Variants in HDAC1 observed in about 807,000 individuals in gnomAD.
The protein encoded by HDAC1 is histone deacetylase 1, also known as protein deacetylase HDAC1.
Under a neutral mutation model 65.5 loss-of-function variants are expected in HDAC1, and 18 were observed. That is an observed-to-expected ratio of 0.27 (90% CI 0.19 to 0.41). HDAC1 has a LOEUF of 0.41. Ranked by LOEUF, HDAC1 falls within the 10% of genes least tolerant of loss-of-function variation. The probability of loss-of-function intolerance (pLI) is 1.00; values close to 1 mark genes in which losing one functional copy is unlikely to be tolerated. For synonymous variants in HDAC1, 211 were observed against 227.9 expected (o/e 0.93, Z 0.67); for missense variants, 373 against 625.2 (o/e 0.60, Z 4.30).
At chr1:32,326,790 T>C (rs1557611120) in intron 4 of HDAC1, 149 bp from the exon 5 acceptor site, 2 of 689,702 alleles carry the variant, frequency 2.9e-6, no homozygotes, top group Non-Finnish European at 4.6e-6. Context: ...CCTGCTGAAG[T>C]AGGGTGGGAG....
rs1019745660 is a variant in HDAC1, at chr1:32,333,097, A to G, written c.*53A>G. 3 of 1,404,500 alleles carry G rather than the reference A, an allele frequency of 2.1e-6. No homozygotes were observed. The African/African-American group carries it at 4.3e-5, about 20-fold the overall frequency. 87.0% of individuals were successfully genotyped at this position (1,404,500 alleles called of 1,614,324 possible). On this transcript the variant is annotated 3_prime_UTR_variant, in exon 14 of 14. Coordinates refer to ENST00000373548, the MANE Select transcript of HDAC1 (RefSeq NM_004964.3). ...CTGAGTCCCTCACGTTTCTTCCCCAACCCCTCAGATTTTATATTTTCTATT... is the reference window on the plus strand; with the variant it reads ...CTGAGTCCCTCACGTTTCTTCCCCAGCCCCTCAGATTTTATATTTTCTATT...
chr1:32,320,923 A>AC (rs1431607197), intron 3 of HDAC1, among the ~76,000 whole-genome samples: 29 of 141,952 alleles, frequency 2.0e-4, no homozygotes, highest in African/African-American at 7.2e-4. Context: ...AAAAAAAAAA[A>AC]CAGAAAAAGA....
chr1:32,310,041 A>C (rs1293789959), intron 2 of HDAC1, among the ~76,000 whole-genome samples: 1 of 152,178 alleles, frequency 6.6e-6, no homozygotes, highest in East Asian at 1.9e-4. Context: ...ATTTAACTCA[A>C]AGTATTTTAA....
chr1:32,317,614 A>G (rs1641083413), intron 3 of HDAC1, among the ~76,000 whole-genome samples: 1 of 152,218 alleles, frequency 6.6e-6, no homozygotes, highest in African/African-American at 2.4e-5. Context: ...TATTATTACA[A>G]CTAATAATAA....
Position 32,331,534 on chromosome 1 carries a change from C to A in HDAC1, c.1040C>A (p.Pro347His). 1.2e-6 allele frequency: 2 copies of A among 1,612,392 alleles called. No homozygotes were observed. Among genetic ancestry groups the A allele is most frequent in the Non-Finnish European group, 1.7e-6 (2 of 1,178,478 alleles). The change falls in exon 10 of 14, where the codon CCT (proline) becomes CAT (histidine). Residue 347 changes from proline to histidine, a missense_variant. Physicochemically the swap from Pro to His is moderately conservative, Grantham distance 77 (BLOSUM62 -2). This residue lies in a region of HDAC1 where 105 missense variants were observed against 192.6 expected (regional missense o/e 0.55). Coordinates refer to ENST00000373548, the MANE Select transcript of HDAC1 (RefSeq NM_004964.3). The surrounding 1 kb of genome is among the most constrained non-coding windows in gnomAD (Gnocchi z 4.2). The part of the protein sequence containing the change: ...FGPDFKLHIS[P>H]SNMTNQNTNE... ...CCAGATTTCAAGCTCCACATCAGTC[C>A]TTCCAATATGACTAACCAGAACACG...
intron 12 of HDAC1, 38 bp from the exon 13 acceptor site, chr1:32,332,663 G>A: frequency 1.3e-6 from 2 of 1,510,102 alleles, no homozygotes; most frequent in African/African-American, 1.4e-5. Context: ...CTTCCCAGAG[G>A]TGCTGCCCTT....
At position 32,329,169 on chromosome 1, in the gene HDAC1, C is replaced by T. The variant is rs761209910; in HGVS notation, c.729+9C>T. ...AGGCCATTTTCAAGCCGGTAAGTGG[C>T]TTTATCCACCCCTTGGGCTACAAAC... On this transcript the variant is annotated intron_variant, in intron 7 of 13. Coordinates refer to ENST00000373548, the MANE Select transcript of HDAC1 (RefSeq NM_004964.3). This position sits in a 1 kb window ranked among gnomAD's most constrained non-coding sequence, Gnocchi z 4.1. The T allele has an allele frequency of 1.3e-6, 2 of 1,536,844 alleles. 1 individual carries two copies. The highest frequency in any genetic ancestry group is 2.2e-5 in the South Asian group (2 of 89,600).
chr1:32,292,091 C>A lies in HDAC1; in HGVS notation c.-79C>A. On this transcript the variant is annotated 5_prime_UTR_variant, in exon 1 of 14. Coordinates refer to ENST00000373548, the MANE Select transcript of HDAC1 (RefSeq NM_004964.3). ...GCGGGCCGGAGGCCCGCCCCCTCCC[C>A]CCTGGGTCGGACGCTGAGCGGAGCC... The A allele has an allele frequency of 3.5e-6, 5 of 1,410,894 alleles. No individual in the cohort carries two copies. The highest frequency in any genetic ancestry group is 4.9e-6 in the Non-Finnish European group (5 of 1,024,634). 87.4% of individuals were successfully genotyped at this position (1,410,894 alleles called of 1,614,324 possible). A position where few individuals can be genotyped will look rare whatever the true frequency, so the allele number is the denominator to read the frequency against.
chr1:32,313,576 G>A (rs1641019607), intron 2 of HDAC1, among the ~76,000 whole-genome samples: 2 of 152,198 alleles, frequency 1.3e-5, no homozygotes, highest in Non-Finnish European at 2.9e-5. Flanking sequence ...AACAATAAAT[G>A]TTGGCTGTGT....
Position 32,306,747 on chromosome 1 carries a change from A to C in HDAC1, c.162+4014A>C, listed in dbSNP as rs560010775. Among the ~76,000 whole-genome samples the C allele has an allele frequency of 5.9e-5, 9 of 151,716 alleles. No individual in the cohort carries two copies. In the South Asian group the frequency reaches 1.9e-3, roughly 32 times the overall value. ...TGACTGTGGGATAATGCAGTAGGCCACTCTTATCTGAGGGGGGATACTTTC... is the reference window on the plus strand; with the variant it reads ...TGACTGTGGGATAATGCAGTAGGCCCCTCTTATCTGAGGGGGGATACTTTC... On this transcript the variant is annotated intron_variant, in intron 2 of 13. Coordinates refer to ENST00000373548, the MANE Select transcript of HDAC1 (RefSeq NM_004964.3).
rs377602629 is a variant in HDAC1, at chr1:32,299,989, C to T, written c.50-2632C>T. Among the ~76,000 whole-genome samples, 316 of 151,848 alleles carry T rather than the reference C, an allele frequency of 2.1e-3. 1 individual carries two copies. The highest frequency in any genetic ancestry group is 0.017 in the Middle Eastern group (5 of 294). ...AGGAGAATGGCGTGAACCCTGGAGG[C>T]GGAGCTTGCAGTGAGCCGAGATCGC... On this transcript the variant is annotated intron_variant, in intron 1 of 13. Transcript: ENST00000373548.
intron 1 of HDAC1, among the ~76,000 whole-genome samples, chr1:32,293,102 C>G (rs894724990): frequency 5.9e-5 from 9 of 151,856 alleles, no homozygotes; most frequent in Non-Finnish European, 1.2e-4. Flanking sequence ...TGGTGGATCA[C>G]CTGAGGTCAG....
chr1:32,324,508 G>A lies in HDAC1; in HGVS notation c.310G>A (p.Asp104Asn), dbSNP rs750374397. 1.2e-6 allele frequency: 2 copies of A among 1,613,290 alleles called. No homozygotes were observed. The highest frequency in any genetic ancestry group is 1.3e-5 in the African/African-American group (1 of 75,014). Residue 104 changes from aspartate to asparagine, a missense_variant, in exon 4 of 14, where the codon GAT becomes AAT. Asp to Asn is a conservative substitution (Grantham distance 23). Transcript: ENST00000373548. ...FNVGEDCPVF[D>N]GLFEFCQLST... ...CGTTGGTGAGGACTGTCCAGTATTC[G>A]ATGGCCTGTTTGAGTTCTGTCAGTT...
intron 3 of HDAC1, among the ~76,000 whole-genome samples, chr1:32,319,160 C>T (rs1227560508): frequency 6.6e-6 from 1 of 152,008 alleles, no homozygotes; most frequent in South Asian, 2.1e-4. Flanking sequence ...GTCTCAGCTA[C>T]TTAGGAGGCT....
At chr1:32,326,650 T>TAAA (rs763574064) in intron 4 of HDAC1, among the ~76,000 whole-genome samples, 7 of 151,806 alleles carry the variant, frequency 4.6e-5, no homozygotes, top group African/African-American at 1.7e-4. Flanking sequence ...GCTATTTCAT[T>TAAA]AAAAAAATAT....
chr1:32,309,695 A>C (rs1041218645), intron 2 of HDAC1, among the ~76,000 whole-genome samples: 5 of 148,420 alleles, frequency 3.4e-5, no homozygotes, highest in Non-Finnish European at 6.0e-5. Context: ...AAAAAAAAAA[A>C]AAAAAAACAA....
At chr1:32,312,661 A>G (rs914686467) in intron 2 of HDAC1, among the ~76,000 whole-genome samples, 1 of 150,686 alleles carries the variant, frequency 6.6e-6, no homozygotes, top group Non-Finnish European at 1.5e-5. Flanking sequence ...GTGCCTGGCT[A>G]TGAACTTTTT....
Position 32,327,503 on chromosome 1 carries a change from G to T in HDAC1, c.495-33G>T. ...CCTTGGCACGTCCCATCCCCAAAGA[G>T]CCCCCAGACCCCTGACCCCCTTCTG... On this transcript the variant is annotated intron_variant, in intron 5 of 13. Transcript: ENST00000373548. The surrounding 1 kb of genome is among the most constrained non-coding windows in gnomAD (Gnocchi z 6.0). 1 of 1,567,650 alleles carries T rather than the reference G, an allele frequency of 6.4e-7. No individual in the cohort carries two copies. Among genetic ancestry groups the T allele is most frequent in the Non-Finnish European group, 8.8e-7 (1 of 1,140,410 alleles).
chr1:32,333,470 T>C lies in HDAC1; in HGVS notation c.*426T>C, dbSNP rs960273958. ...CATTTTTAGATTGGTTCTGTTTTCG[T>C]ACCTTCCCACTGGCCTCAAGTGAGC... On this transcript the variant is annotated 3_prime_UTR_variant, in exon 14 of 14. Transcript: ENST00000373548. 2 of 154,848 alleles carry C rather than the reference T, an allele frequency of 1.3e-5. No individual in the cohort carries two copies. The highest frequency in any genetic ancestry group is 2.9e-5 in the Non-Finnish European group (2 of 69,916). 9.6% of individuals were successfully genotyped at this position (154,848 alleles called of 1,614,324 possible). A position where few individuals can be genotyped will look rare whatever the true frequency, so the allele number is the denominator to read the frequency against.
Sources: gnomAD v4.1 joint callset for allele counts (sites outside exome capture counted in the v4.1 genomes callset) on GRCh38, gnomAD v4.1.1 for gene constraint, gnomAD v4.1.1 regional missense constraint, Gnocchi (gnomAD v3.1) non-coding constraint, MANE v1.5 for transcripts, NCBI Gene and HGNC (gene_info 2026-07-23, HGNC 2026-07-21) for gene names.